The following MAN2A1 variants were observed in gnomAD, a reference collection of about 807,000 sequenced individuals.
The protein encoded by MAN2A1 is mannosidase alpha class 2A member 1, also known as alpha-mannosidase 2.
A neutral mutation model predicts 142.6 loss-of-function variants in MAN2A1; 76 were observed. That is an observed-to-expected ratio of 0.53 (90% CI 0.44 to 0.65). The LOEUF (loss-of-function observed/expected upper bound fraction) is 0.65. Ranked by LOEUF, MAN2A1 falls within the 30% of genes least tolerant of loss-of-function variation. The pLI is 0.00. For synonymous variants in MAN2A1, 559 were observed against 473.2 expected (o/e 1.18, Z -2.35); for missense variants, 1,311 against 1,365.1 (o/e 0.96, Z 0.62).
intron 12 of MAN2A1, among the ~76,000 whole-genome samples, chr5:109,797,680 C>T (rs1339455258): frequency 6.6e-6 from 1 of 152,016 alleles, no homozygotes; most frequent in Non-Finnish European, 1.5e-5. Flanking sequence ...GAAAAGGCCT[C>T]CCTTTATAGA....
chr5:109,808,188 C>G (rs1461832768), intron 12 of MAN2A1, among the ~76,000 whole-genome samples: 1 of 152,128 alleles, frequency 6.6e-6, no homozygotes, highest in East Asian at 1.9e-4. Context: ...ATATCTGTGT[C>G]TTTATTACTG....
intron 4 of MAN2A1, among the ~76,000 whole-genome samples, chr5:109,733,334 C>T (rs1279060245): frequency 1.3e-5 from 2 of 152,142 alleles, no homozygotes; most frequent in Non-Finnish European, 2.9e-5. Flanking sequence ...TTCCTCTTTT[C>T]CTAATTGAAT....
chr5:109,768,890 T>C (rs1052033886), intron 6 of MAN2A1, among the ~76,000 whole-genome samples: 1 of 152,170 alleles, frequency 6.6e-6, no homozygotes, highest in African/African-American at 2.4e-5. Context: ...CCCATAAATA[T>C]CAGTTAGTAT....
chr5:109,865,601 A>T (rs538897189), intron 21 of MAN2A1, among the ~76,000 whole-genome samples: 21 of 152,318 alleles, frequency 1.4e-4, no homozygotes, highest in African/African-American at 4.8e-4. Context: ...GGCTAGTGGG[A>T]TAATCCACCC....
chr5:109,797,544 A>G (rs959494831), intron 12 of MAN2A1, among the ~76,000 whole-genome samples: 9 of 152,190 alleles, frequency 5.9e-5, no homozygotes, highest in Non-Finnish European at 8.8e-5. Context: ...ACAAATGCCA[A>G]CAATGAGAAG....
chr5:109,722,951 C>T (rs1751646207), intron 3 of MAN2A1, among the ~76,000 whole-genome samples: 1 of 152,100 alleles, frequency 6.6e-6, no homozygotes, highest in South Asian at 2.1e-4. Flanking sequence ...GTTAGATGCT[C>T]ATAGATGGGA....
intron 3 of MAN2A1, among the ~76,000 whole-genome samples, chr5:109,725,436 T>G (rs190885203): frequency 1.3e-5 from 2 of 152,314 alleles, no homozygotes; most frequent in South Asian, 4.1e-4. Flanking sequence ...GGCCACTGTT[T>G]AGGCTAGAGA....
chr5:109,728,980 A>C (rs771208995), intron 3 of MAN2A1, among the ~76,000 whole-genome samples: 7 of 152,138 alleles, frequency 4.6e-5, no homozygotes, highest in Non-Finnish European at 1.5e-5. Context: ...GCCAACTTGT[A>C]AACAGTGTTT....
At chr5:109,820,386 G>T in intron 15 of MAN2A1, 44 bp downstream of exon 15, 1 of 1,552,836 alleles carries the variant, frequency 6.4e-7, no homozygotes, top group Non-Finnish European at 8.7e-7. Context: ...AACACTTATT[G>T]AAAGAGTATT....
At chr5:109,798,009 T>G (rs77530888) in intron 12 of MAN2A1, among the ~76,000 whole-genome samples, 4,655 of 152,290 alleles carry the variant, frequency 0.031, 98 homozygotes, top group Non-Finnish European at 0.047. Flanking sequence ...ATGAGGTCAG[T>G]TCAGCTGACT....
Position 109,724,251 on chromosome 5 carries a change from A to G in MAN2A1, c.536-5091A>G, listed in dbSNP as rs191086749. Among the ~76,000 whole-genome samples the G allele has an allele frequency of 2.6e-5, 4 of 152,244 alleles. No homozygotes were observed. In the East Asian group the frequency reaches 5.8e-4, roughly 22 times the overall value. On this transcript the variant is annotated intron_variant, in intron 3 of 21. Coordinates refer to ENST00000261483, the MANE Select transcript of MAN2A1 (RefSeq NM_002372.4). ...ATACCTTAATTACTAGATGAGAACAATAAACACTGAGGATTCTGAAAGGAG... is the reference window on the plus strand; with the variant it reads ...ATACCTTAATTACTAGATGAGAACAGTAAACACTGAGGATTCTGAAAGGAG...
intron 2 of MAN2A1, among the ~76,000 whole-genome samples, chr5:109,715,482 G>A (rs527277668): frequency 6.6e-6 from 1 of 151,980 alleles, no homozygotes; most frequent in African/African-American, 2.4e-5. Flanking sequence ...TAGCCAGAAG[G>A]AATGCTGCAT....
At chr5:109,806,083 A>T (rs1346192540) in intron 12 of MAN2A1, among the ~76,000 whole-genome samples, 1 of 152,096 alleles carries the variant, frequency 6.6e-6, no homozygotes, top group African/African-American at 2.4e-5. Flanking sequence ...CTTTGGAGTG[A>T]AGGTTCTCTG....
chr5:109,769,600 G>A (rs949692629), intron 6 of MAN2A1, among the ~76,000 whole-genome samples: 5 of 152,268 alleles, frequency 3.3e-5, no homozygotes, highest in South Asian at 2.1e-4. Flanking sequence ...CACCTCTCCA[G>A]GCCAACATGT....
chr5:109,715,925 G>T (rs1751439910), intron 2 of MAN2A1, among the ~76,000 whole-genome samples, 195 bp from the exon 3 acceptor site: 1 of 151,784 alleles, frequency 6.6e-6, no homozygotes, highest in Non-Finnish European at 1.5e-5. Flanking sequence ...GGGTAGTTTT[G>T]TAGCACAAAT....
At chr5:109,840,281 A>C (rs1294456517) in intron 16 of MAN2A1, 1 of 300,448 alleles carries the variant, frequency 3.3e-6, no homozygotes, top group Non-Finnish European at 6.5e-6. Flanking sequence ...TTTTCGTCTA[A>C]AGTGTTGAAT....
chr5:109,850,238 T>A (rs568646897), intron 19 of MAN2A1, among the ~76,000 whole-genome samples: 1 of 152,210 alleles, frequency 6.6e-6, no homozygotes, highest in Non-Finnish European at 1.5e-5. Context: ...TCGAAATGCA[T>A]AGATGAATGA....
intron 20 of MAN2A1, among the ~76,000 whole-genome samples, chr5:109,856,271 A>G (rs1755603733): frequency 6.6e-6 from 1 of 152,202 alleles, no homozygotes; most frequent in Admixed American, 6.5e-5. Flanking sequence ...TGTACATGCT[A>G]TACCTGTCAC....
At chr5:109,709,034 A>C (rs1165765252) in intron 1 of MAN2A1, among the ~76,000 whole-genome samples, 1 of 152,206 alleles carries the variant, frequency 6.6e-6, no homozygotes, top group Non-Finnish European at 1.5e-5. Flanking sequence ...CTTTGAGTAG[A>C]TAAAGGATGG....
Sources: gnomAD v4.1 joint callset for allele counts (sites outside exome capture counted in the v4.1 genomes callset) on GRCh38, gnomAD v4.1.1 for gene constraint, MANE v1.5 for transcripts, NCBI Gene and HGNC (gene_info 2026-07-23, HGNC 2026-07-21) for gene names.